The following CALD1 variants were observed in gnomAD, a reference collection of about 807,000 sequenced individuals.
The protein encoded by CALD1 is caldesmon.
A neutral mutation model predicts 99.9 loss-of-function variants in CALD1; 33 were observed. The ratio of observed to expected loss-of-function variants is 0.33; its 90% CI spans 0.25 to 0.44. The LOEUF is 0.44. CALD1 is among the 20% of genes least tolerant of loss of function. The pLI is 1.00. For missense variants in CALD1, 861 were observed against 962.1 expected (o/e 0.89, Z 1.39); for synonymous variants, 310 against 325.0 (o/e 0.95, Z 0.50).
chr7:134,818,327 C>T (rs1251650429), intron 1 of CALD1, among the ~76,000 whole-genome samples: 1 of 152,202 alleles, frequency 6.6e-6, no homozygotes, highest in Non-Finnish European at 1.5e-5. Flanking sequence ...GAAGTTTCAA[C>T]TAGAGTTTCA....
chr7:134,893,853 A>G (rs1313655422), intron 3 of CALD1, among the ~76,000 whole-genome samples: 1 of 152,158 alleles, frequency 6.6e-6, no homozygotes, highest in Admixed American at 6.5e-5. Flanking sequence ...TCTGAAGATG[A>G]TTTTGAGGGC....
intron 1 of CALD1, among the ~76,000 whole-genome samples, chr7:134,797,617 G>A (rs148249316): frequency 0.017 from 2,646 of 152,136 alleles, 39 homozygotes; most frequent in Non-Finnish European, 0.028. Context: ...TTTTTGAGAC[G>A]GAGTCTTGCT....
chr7:134,907,474 T>C (rs7778343), intron 3 of CALD1, among the ~76,000 whole-genome samples: 6 of 151,504 alleles, frequency 4.0e-5, no homozygotes, highest in African/African-American at 7.3e-5. Context: ...CTGTCCCAGG[T>C]CCTAGAACTG....
intron 3 of CALD1, among the ~76,000 whole-genome samples, chr7:134,910,044 A>G (rs1211554689): frequency 6.6e-6 from 1 of 152,210 alleles, no homozygotes; most frequent in Non-Finnish European, 1.5e-5. Flanking sequence ...AGTTAGGGCT[A>G]CTAATACCTG....
At chr7:134,966,164 T>C (rs1425375966) in intron 14 of CALD1, among the ~76,000 whole-genome samples, 1 of 152,122 alleles carries the variant, frequency 6.6e-6, no homozygotes. Flanking sequence ...TGCTTATGGG[T>C]TGATTTAAAC....
At chr7:134,764,433 C>G (rs10808278) in intron 1 of CALD1, among the ~76,000 whole-genome samples, 63,473 of 151,990 alleles carry the variant, frequency 0.42, 14,254 homozygotes, top group East Asian at 0.73. Context: ...ATGATATAGA[C>G]TTGATTTTTT....
intron 12 of CALD1, 27 bp downstream of exon 12, chr7:134,960,138 G>T: frequency 6.2e-7 from 1 of 1,611,170 alleles, no homozygotes. Context: ...TGTCTCTTAA[G>T]TGTAGAGGGG....
At chr7:134,825,372 T>C (rs1331271691) in intron 1 of CALD1, among the ~76,000 whole-genome samples, 1 of 152,224 alleles carries the variant, frequency 6.6e-6, no homozygotes, top group Non-Finnish European at 1.5e-5. Flanking sequence ...ATTTGCTTTG[T>C]TAACTATAAA....
chr7:134,721,106 G>A, the CALD1 span, among the ~76,000 whole-genome samples: 1 of 152,250 alleles, frequency 6.6e-6, no homozygotes, highest in Admixed American at 6.5e-5. Flanking sequence ...TTCGCTATAG[G>A]CCGCTGGAAC....
At chr7:134,947,459 A>T (rs1206254422) in intron 7 of CALD1, 49 bp from the exon 8 acceptor site, 3 of 1,523,002 alleles carry the variant, frequency 2.0e-6, no homozygotes, top group African/African-American at 2.8e-5. Flanking sequence ...CTCCAGGGAG[A>T]CTACAGGCAA....
the CALD1 span, among the ~76,000 whole-genome samples, chr7:134,713,404 G>A: frequency 3.3e-5 from 5 of 152,264 alleles, no homozygotes; most frequent in Admixed American, 6.5e-5. Context: ...CAAACATGCA[G>A]TTCCCTCTGA....
At position 134,880,977 on chromosome 7, in the gene CALD1, G is replaced by T. The variant is rs74477207; in HGVS notation, c.71+13173G>T. The stretch of plus-strand genomic sequence containing the variant: ...AATTCCCAAATCCTTTAGTCCCTAA[G>T]TGCCTCATGTCATATAAATGATGTC... On this transcript the variant is annotated intron_variant, in intron 3 of 14. Transcript: ENST00000361675. Among the ~76,000 whole-genome samples the T allele has an allele frequency of 1.1e-4, 17 of 152,198 alleles. No individual in the cohort carries two copies. In the East Asian group the frequency reaches 3.1e-3, roughly 28 times the overall value.
rs750117409 is a variant in CALD1 at position 134,933,470 on chromosome 7, G to A, written c.701G>A (p.Ser234Asn). 3.7e-6 allele frequency: 6 copies of A among 1,613,962 alleles called. No individual in the cohort carries two copies. The East Asian group carries it at 1.1e-4, about 30-fold the overall frequency. Residue 234 changes from serine to asparagine, a missense_variant, in exon 5 of 15, where the codon AGT becomes AAT. Ser to Asn is a conservative substitution (Grantham distance 46, BLOSUM62 1). Around this residue, in one of 5 missense-constraint regions of CALD1, gnomAD observed 234 missense variants for 233.1 expected, o/e 1.00. Coordinates refer to ENST00000361675, the MANE Select transcript of CALD1 (RefSeq NM_033138.4). ...ATGTCATTAAAAAATGGGCAGATCA[G>A]TTCAGAAGAGCCTAAACAAGAGGAG... ...VVMSLKNGQI[S>N]SEEPKQEEER...
the CALD1 span, among the ~76,000 whole-genome samples, chr7:134,731,837 G>T: frequency 6.6e-6 from 1 of 152,040 alleles, no homozygotes; most frequent in Non-Finnish European, 1.5e-5. Flanking sequence ...ACTCCTTTCT[G>T]AAAGTTTCCA....
At chr7:134,879,930 G>A (rs990552120) in intron 3 of CALD1, among the ~76,000 whole-genome samples, 3 of 152,078 alleles carry the variant, frequency 2.0e-5, no homozygotes, top group Non-Finnish European at 4.4e-5. Flanking sequence ...AGTACACATC[G>A]GTCACTATAA....
chr7:134,968,453 T>C lies in CALD1; in HGVS notation c.*108T>C. The C allele has an allele frequency of 1.0e-6, 1 of 953,014 alleles. No homozygotes were observed. Among genetic ancestry groups the C allele is most frequent in the Non-Finnish European group, 1.7e-6 (1 of 589,156 alleles). 59.0% of individuals were successfully genotyped at this position (953,014 alleles called of 1,614,324 possible). On this transcript the variant is annotated 3_prime_UTR_variant, in exon 15 of 15. Coordinates refer to ENST00000361675, the MANE Select transcript of CALD1 (RefSeq NM_033138.4). ...TTGATTTACTAAATTGGGTTCATTA[T>C]CTTTTATTTTTCAATATCCCAGTAA...
chr7:134,905,409 G>T (rs941469112), intron 3 of CALD1, among the ~76,000 whole-genome samples: 1 of 152,060 alleles, frequency 6.6e-6, no homozygotes, highest in African/African-American at 2.4e-5. Flanking sequence ...TGCAGATGAG[G>T]AAAATGAGGC....
chr7:134,811,317 A>C (rs143412894), intron 1 of CALD1, among the ~76,000 whole-genome samples: 52 of 152,314 alleles, frequency 3.4e-4, no homozygotes, highest in Non-Finnish European at 4.6e-4. Flanking sequence ...GGGAGTCTTC[A>C]CTGGGGGCAG....
intron 3 of CALD1, among the ~76,000 whole-genome samples, chr7:134,915,463 T>C (rs886473217): frequency 6.6e-6 from 1 of 152,228 alleles, no homozygotes; most frequent in African/African-American, 2.4e-5. Context: ...AATGATTACA[T>C]TGGTGATCTA....
Sources: allele counts gnomAD v4.1 joint callset (sites outside exome capture counted in the v4.1 genomes callset), GRCh38; gene constraint gnomAD v4.1.1; regional missense constraint gnomAD v4.1.1; transcripts MANE v1.5; gene names NCBI Gene and HGNC (gene_info 2026-07-23, HGNC 2026-07-21).